The following CHSY3 variants were observed in gnomAD, a reference collection of about 807,000 sequenced individuals.
The protein encoded by CHSY3 is N-acetylgalactosaminyl-proteoglycan 3-beta-glucuronosyltransferase 3.
CHSY3 carries 35 observed loss-of-function variants against 67.2 expected under a neutral mutation model. The ratio of observed to expected loss-of-function variants is 0.52; its 90% confidence interval spans 0.40 to 0.69. CHSY3 has a LOEUF of 0.69. CHSY3 is among the 30% of genes least tolerant of loss of function. The pLI is 0.00. For synonymous variants in CHSY3, 474 were observed against 434.7 expected (o/e 1.09, Z -1.12); for missense variants, 1,069 against 1,138.5 (o/e 0.94, Z 0.88).
chr5:129,948,288 A>C (rs980854933), intron 2 of CHSY3, among the ~76,000 whole-genome samples: 1 of 152,176 alleles, frequency 6.6e-6, no homozygotes, highest in African/African-American at 2.4e-5. Context: ...TCATCACCCA[A>C]GTAGTATATG....
chr5:129,915,266 C>CA (rs1417339507), intron 2 of CHSY3, among the ~76,000 whole-genome samples: 3 of 152,066 alleles, frequency 2.0e-5, no homozygotes, highest in Non-Finnish European at 2.9e-5. Context: ...TATTGAACCA[C>CA]AAAAAAGCCT....
intron 2 of CHSY3, among the ~76,000 whole-genome samples, chr5:129,931,518 T>A (rs1056582614): frequency 1.3e-5 from 2 of 152,206 alleles, no homozygotes; most frequent in African/African-American, 4.8e-5. Flanking sequence ...TACAAGTTAT[T>A]GTGGCAGTTA....
intron 2 of CHSY3, among the ~76,000 whole-genome samples, chr5:130,041,559 C>T (rs549047463): frequency 2.0e-5 from 3 of 151,880 alleles, no homozygotes; most frequent in Non-Finnish European, 4.4e-5. Flanking sequence ...ACTGAGAAAA[C>T]GATAAAAGCA....
intron 2 of CHSY3, among the ~76,000 whole-genome samples, chr5:130,121,290 TG>T (rs1244544352): frequency 2.0e-5 from 3 of 152,164 alleles, no homozygotes; most frequent in Non-Finnish European, 4.4e-5. Context: ...AAATGCTGAC[TG>T]GATGGGTAAA....
chr5:129,935,969 C>G (rs1428996223), intron 2 of CHSY3, among the ~76,000 whole-genome samples: 1 of 152,138 alleles, frequency 6.6e-6, no homozygotes, highest in Middle Eastern at 3.2e-3. Context: ...TTCAAACACA[C>G]TTTTGGCAAA....
At chr5:130,054,771 A>G (rs1765475285) in intron 2 of CHSY3, among the ~76,000 whole-genome samples, 1 of 152,256 alleles carries the variant, frequency 6.6e-6, no homozygotes, top group Non-Finnish European at 1.5e-5. Context: ...TTTTAATATT[A>G]TATGACTACT....
chr5:130,168,875 C>T (rs970730840), intron 2 of CHSY3, among the ~76,000 whole-genome samples: 7 of 151,986 alleles, frequency 4.6e-5, no homozygotes, highest in African/African-American at 1.2e-4. Context: ...TGCTTGTCTC[C>T]GTCACTAAAT....
At chr5:129,997,670 C>A (rs148339220) in intron 2 of CHSY3, among the ~76,000 whole-genome samples, 60 of 152,134 alleles carry the variant, frequency 3.9e-4, no homozygotes, top group Non-Finnish European at 6.6e-4. Flanking sequence ...CTCCCACCCC[C>A]CAACAGGCCC....
At chr5:130,078,883 A>T (rs1038668588) in intron 2 of CHSY3, among the ~76,000 whole-genome samples, 3 of 152,154 alleles carry the variant, frequency 2.0e-5, no homozygotes, top group African/African-American at 4.8e-5. Context: ...ATAAGGCCGG[A>T]TCCATTGCTA....
At chr5:129,981,997 T>C (rs979940569) in intron 2 of CHSY3, among the ~76,000 whole-genome samples, 1 of 152,174 alleles carries the variant, frequency 6.6e-6, no homozygotes, top group Non-Finnish European at 1.5e-5. Context: ...CTAGATTACA[T>C]GAGTTGATTT....
At chr5:130,117,101 A>G (rs1360197189) in intron 2 of CHSY3, among the ~76,000 whole-genome samples, 1 of 152,132 alleles carries the variant, frequency 6.6e-6, no homozygotes, top group East Asian at 1.9e-4. Flanking sequence ...CATGGAGAAC[A>G]CAGAGACTCA....
chr5:129,909,558 A>C (rs1051510871), intron 2 of CHSY3, among the ~76,000 whole-genome samples: 7 of 152,072 alleles, frequency 4.6e-5, no homozygotes, highest in African/African-American at 1.7e-4. Flanking sequence ...AATAGGCATG[A>C]AAATTTGAAA....
chr5:129,959,397 T>C (rs1762267786), intron 2 of CHSY3, among the ~76,000 whole-genome samples: 5 of 152,124 alleles, frequency 3.3e-5, no homozygotes, highest in Admixed American at 3.3e-4. Flanking sequence ...TTGTAGTTTG[T>C]ATTTTGATTT....
At chr5:129,949,688 A>G (rs1761965919) in intron 2 of CHSY3, among the ~76,000 whole-genome samples, 1 of 152,176 alleles carries the variant, frequency 6.6e-6, no homozygotes, top group African/African-American at 2.4e-5. Context: ...AATATCCCTG[A>G]TGAACATACA....
chr5:130,178,246 TATATA>T (rs1297336216), intron 2 of CHSY3, among the ~76,000 whole-genome samples: 14 of 77,876 alleles, frequency 1.8e-4, no homozygotes, highest in African/African-American at 7.3e-4. Flanking sequence ...TATATATATA[TATATA>T]TATTTTTTTT....
intron 2 of CHSY3, among the ~76,000 whole-genome samples, chr5:130,030,122 A>G (rs936237134): frequency 1.3e-5 from 2 of 152,018 alleles, no homozygotes; most frequent in Non-Finnish European, 2.9e-5. Flanking sequence ...GGTTGATGGT[A>G]TGCTGTTTTT....
intron 2 of CHSY3, among the ~76,000 whole-genome samples, chr5:130,108,859 C>T (rs979384154): frequency 3.3e-5 from 5 of 151,462 alleles, no homozygotes; most frequent in African/African-American, 7.3e-5. Context: ...TGTCAAGCAC[C>T]CAGAATAGTC....
chr5:130,017,270 G>A (rs1764243720), intron 2 of CHSY3, among the ~76,000 whole-genome samples: 3 of 151,948 alleles, frequency 2.0e-5, no homozygotes, highest in Admixed American at 6.6e-5. Flanking sequence ...GTTGCTGCCA[G>A]TCTCAGATAT....
At chr5:130,014,205 C>T (rs1764145679) in intron 2 of CHSY3, among the ~76,000 whole-genome samples, 1 of 152,180 alleles carries the variant, frequency 6.6e-6, no homozygotes, top group South Asian at 2.1e-4. Flanking sequence ...CCACATTTTT[C>T]TGTCTTCTTC....
Sources: allele counts gnomAD v4.1 joint callset (sites outside exome capture counted in the v4.1 genomes callset), GRCh38; gene constraint gnomAD v4.1.1; transcripts MANE v1.5; gene names NCBI Gene and HGNC (gene_info 2026-07-23, HGNC 2026-07-21).